RRP15: variants seen among roughly 807,000 people sequenced by gnomAD.
RRP15 encodes the protein ribosomal RNA processing 15 homolog, also known as RRP15-like protein.
A neutral mutation model predicts 27.1 loss-of-function variants in RRP15; 18 were observed. The ratio of observed to expected loss-of-function variants is 0.66; its 90% CI spans 0.46 to 0.98. The LOEUF (loss-of-function observed/expected upper bound fraction) is 0.98. Among genes scored for constraint, RRP15 ranks in the 50% least tolerant of loss-of-function variants. The pLI is 0.00. For synonymous variants in RRP15, 107 were observed against 109.4 expected (o/e 0.98, Z 0.14); for missense variants, 359 against 337.8 (o/e 1.06, Z -0.49).
Position 218,334,293 on chromosome 1 carries a change from CAG to C in RRP15, c.*3205_*3206del, listed in dbSNP as rs1656416605. The stretch of plus-strand genomic sequence containing the variant: ...TGGAAACCCTTTGGATAGAACAGTT[CAG>C]AGGGTTACCACTAGTACTTAGAGCC... On this transcript the variant is annotated 3_prime_UTR_variant, in exon 5 of 5. Transcript: ENST00000366932. 1.3e-5 allele frequency: 2 copies of C among 152,122 alleles called. No individual in the cohort carries two copies. The highest frequency in any genetic ancestry group is 2.9e-5 in the Non-Finnish European group (2 of 68,028). The allele number at this position is 152,122 out of a possible 1,614,324, so 9.4% of individuals were successfully genotyped here. A position where few individuals can be genotyped will look rare whatever the true frequency, so the allele number is the denominator to read the frequency against.
intron 4 of RRP15, among the ~76,000 whole-genome samples, chr1:218,328,594 C>T (rs1035307467): frequency 6.6e-5 from 10 of 151,874 alleles, no homozygotes; most frequent in Admixed American, 4.6e-4. Flanking sequence ...ACCCGGGAGG[C>T]GGAGCTTGCA....
intron 3 of RRP15, among the ~76,000 whole-genome samples, chr1:218,306,696 A>T: frequency 6.6e-6 from 1 of 152,208 alleles, no homozygotes; most frequent in East Asian, 1.9e-4. Context: ...TTGTAATTTA[A>T]TATGTAATTT....
intron 1 of RRP15, among the ~76,000 whole-genome samples, chr1:218,299,372 A>G (rs778805526): frequency 1.3e-4 from 20 of 152,086 alleles, no homozygotes; most frequent in Non-Finnish European, 2.4e-4. Context: ...TAAACTTTTC[A>G]TGGATTTATT....
chr1:218,304,049 A>G (rs1010284471), intron 2 of RRP15, among the ~76,000 whole-genome samples: 1 of 152,190 alleles, frequency 6.6e-6, no homozygotes, highest in Non-Finnish European at 1.5e-5. Context: ...CATGACCACT[A>G]AAATGAATTG....
At position 218,331,553 on chromosome 1, in the gene RRP15, A is replaced by G. The variant is rs1173953919; in HGVS notation, c.*462A>G. On this transcript the variant is annotated 3_prime_UTR_variant, in exon 5 of 5. Transcript: ENST00000366932. ...TGTTGGGAAGTTATTGAGAAAACCTATATAATAAAATTTAAAATTATAGTT... is the reference window on the plus strand; with the variant it reads ...TGTTGGGAAGTTATTGAGAAAACCTGTATAATAAAATTTAAAATTATAGTT... The G allele has an allele frequency of 6.7e-6, 1 of 149,840 alleles. No homozygotes were observed. Among genetic ancestry groups the G allele is most frequent in the Non-Finnish European group, 1.5e-5 (1 of 67,838 alleles). The allele number at this position is 149,840 out of a possible 1,614,324, so 9.3% of individuals were successfully genotyped here. A position where few individuals can be genotyped will look rare whatever the true frequency, so the allele number is the denominator to read the frequency against.
intron 3 of RRP15, among the ~76,000 whole-genome samples, chr1:218,305,406 TG>T (rs1246701812): frequency 1.3e-5 from 2 of 152,252 alleles, no homozygotes; most frequent in African/African-American, 2.4e-5. Context: ...ATTTCTCTTA[TG>T]ATGCTTGTCT....
chr1:218,294,206 G>A (rs541971084), intron 1 of RRP15, among the ~76,000 whole-genome samples: 1 of 152,124 alleles, frequency 6.6e-6, no homozygotes, highest in Non-Finnish European at 1.5e-5. Flanking sequence ...GATTAAATGT[G>A]TATGGATTCA....
intron 4 of RRP15, among the ~76,000 whole-genome samples, chr1:218,328,433 C>T (rs1023559772): frequency 2.6e-5 from 4 of 152,084 alleles, no homozygotes; most frequent in Admixed American, 6.5e-5. Flanking sequence ...GAGGCCAAGG[C>T]GGGCAGATCA....
intron 4 of RRP15, among the ~76,000 whole-genome samples, chr1:218,317,922 T>TG (rs1656115817): frequency 6.6e-6 from 1 of 151,764 alleles, no homozygotes; most frequent in African/African-American, 2.4e-5. Context: ...TTTCTAGAGA[T>TG]GGGGGTCTCA....
At chr1:218,289,539 GTC>G (rs1350564933) in intron 1 of RRP15, among the ~76,000 whole-genome samples, 2 of 152,188 alleles carry the variant, frequency 1.3e-5, no homozygotes, top group Non-Finnish European at 1.5e-5. Flanking sequence ...AGCTGCTTCT[GTC>G]TCTAAGAAAG....
chr1:218,323,636 C>T (rs749834436), intron 4 of RRP15, among the ~76,000 whole-genome samples: 6 of 152,222 alleles, frequency 3.9e-5, no homozygotes, highest in Non-Finnish European at 5.9e-5. Context: ...CTGTCTGCTT[C>T]CTGCCACTGC....
chr1:218,289,650 C>G (rs987385521), intron 1 of RRP15, among the ~76,000 whole-genome samples: 15 of 152,182 alleles, frequency 9.9e-5, no homozygotes, highest in African/African-American at 3.4e-4. Context: ...TCCATTTATT[C>G]TGTTGCCACT....
Position 218,285,331 on chromosome 1 carries a change from T to G in RRP15, c.15T>G (p.Ala5=). The G allele has an allele frequency of 6.2e-7, 1 of 1,613,758 alleles. No homozygotes were observed. Among genetic ancestry groups the G allele is most frequent in the Non-Finnish European group, 8.5e-7 (1 of 1,179,932 alleles). The change falls in exon 1 of 5, where the codon GCT becomes GCG. Residue 5 remains alanine (A), a synonymous_variant. Transcript: ENST00000366932. The part of the protein sequence containing the change: MAAA[A]PDSRVSEEEN... The stretch of plus-strand genomic sequence containing the variant: ...GGCGCAGAAAAATGGCAGCCGCCGC[T>G]CCGGACTCACGTGTGAGTGAGGAAG...
intron 4 of RRP15, among the ~76,000 whole-genome samples, chr1:218,311,898 C>T (rs1483226863): frequency 2.0e-5 from 3 of 152,176 alleles, no homozygotes; most frequent in Non-Finnish European, 2.9e-5. Flanking sequence ...TCGAATTATT[C>T]GGGTAGGCCC....
intron 4 of RRP15, among the ~76,000 whole-genome samples, chr1:218,309,607 C>T (rs562935637): frequency 3.7e-4 from 50 of 136,954 alleles, no homozygotes; most frequent in African/African-American, 1.1e-3. Flanking sequence ...CTCTTGAACC[C>T]GGGAGGCAGA....
In RRP15 at chr1:218,330,005, T is replaced by C. The variant is rs554940282; in HGVS notation, c.706-943T>C. Among the ~76,000 whole-genome samples the C allele has an allele frequency of 9.9e-4, 150 of 152,256 alleles. 2 individuals are homozygous for C. Among genetic ancestry groups the C allele is most frequent in the Non-Finnish European group, 1.2e-4 (8 of 67,996 alleles). On this transcript the variant is annotated intron_variant, in intron 4 of 4. Coordinates refer to ENST00000366932, the MANE Select transcript of RRP15 (RefSeq NM_016052.4). ...ATGATAACACTGTTTTCTAACCAAATGTCATGGGTTCTTGTACCTTAGGTT... is the reference window on the plus strand; with the variant it reads ...ATGATAACACTGTTTTCTAACCAAACGTCATGGGTTCTTGTACCTTAGGTT...
chr1:218,323,425 T>A (rs1656219792), intron 4 of RRP15, among the ~76,000 whole-genome samples: 1 of 152,168 alleles, frequency 6.6e-6, no homozygotes, highest in African/African-American at 2.4e-5. Context: ...TGGGTCTGGC[T>A]GAGTTCGGGG....
At chr1:218,313,309 G>A (rs886317099) in intron 4 of RRP15, among the ~76,000 whole-genome samples, 1 of 152,124 alleles carries the variant, frequency 6.6e-6, no homozygotes, top group African/African-American at 2.4e-5. Context: ...GGTAAATTGG[G>A]TTGGGGTGAA....
chr1:218,328,153 AC>A (rs1403043201), intron 4 of RRP15, among the ~76,000 whole-genome samples: 1 of 152,220 alleles, frequency 6.6e-6, no homozygotes, highest in Non-Finnish European at 1.5e-5. Context: ...CAAAAACATC[AC>A]CAAAATCCCC....
Sources: allele counts gnomAD v4.1 joint callset (sites outside exome capture counted in the v4.1 genomes callset), GRCh38; gene constraint gnomAD v4.1.1; transcripts MANE v1.5; gene names NCBI Gene and HGNC (gene_info 2026-07-23, HGNC 2026-07-21).